ZNF423: variants seen among roughly 807,000 people sequenced by gnomAD.
ZNF423 encodes the protein zinc finger protein 423, also known as Ebf-associated zinc finger protein.
Under a neutral mutation model 95.8 loss-of-function variants are expected in ZNF423, and 12 were observed. The observed-to-expected ratio is 0.13, with a 90% CI of 0.08 to 0.20. The LOEUF (loss-of-function observed/expected upper bound fraction) is 0.20, where lower values mean the gene tolerates loss of function less well. ZNF423 is among the 10% of genes least tolerant of loss of function. The pLI, the probability that ZNF423 is intolerant of heterozygous loss-of-function variation, is 1.00. For synonymous variants in ZNF423, 749 were observed against 711.9 expected (o/e 1.05, Z -0.83); for missense variants, 1,316 against 1,737.1 (o/e 0.76, Z 4.31).
chr16:49,771,176 TTTC>T (rs909071469), intron 2 of ZNF423, among the ~76,000 whole-genome samples: 2 of 149,116 alleles, frequency 1.3e-5, no homozygotes, highest in Non-Finnish European at 3.0e-5. Context: ...TCATCTTGAA[TTTC>T]TTTTTTTTTT....
At chr16:49,687,187 G>T (rs1409096154) in intron 3 of ZNF423, among the ~76,000 whole-genome samples, 1 of 151,744 alleles carries the variant, frequency 6.6e-6, no homozygotes, top group South Asian at 2.1e-4. Flanking sequence ...GGCCTCCCAG[G>T]GCGCCACCAA....
intron 2 of ZNF423, among the ~76,000 whole-genome samples, chr16:49,768,171 G>C (rs1038153916): frequency 6.6e-6 from 1 of 152,214 alleles, no homozygotes; most frequent in African/African-American, 2.4e-5. Context: ...CTCTGCCGTG[G>C]ACAGTCTGCA....
chr16:49,844,017 G>A (rs1437821353), intron 1 of ZNF423, among the ~76,000 whole-genome samples: 1 of 152,000 alleles, frequency 6.6e-6, no homozygotes, highest in African/African-American at 2.4e-5. Context: ...ATTAAGTCCA[G>A]GCACAGAGGC....
chr16:49,563,802 G>A (rs1368109398), intron 5 of ZNF423, among the ~76,000 whole-genome samples: 2 of 152,198 alleles, frequency 1.3e-5, no homozygotes, highest in Non-Finnish European at 2.9e-5. Flanking sequence ...GGTATGGCCA[G>A]CTCAGGAATC....
intron 3 of ZNF423, among the ~76,000 whole-genome samples, chr16:49,725,816 C>T (rs1205158528): frequency 1.3e-5 from 2 of 152,230 alleles, no homozygotes; most frequent in African/African-American, 4.8e-5. Context: ...CACCAGACTG[C>T]CAGCCCCTGG....
At chr16:49,516,238 C>T (rs1014827694) in intron 7 of ZNF423, among the ~76,000 whole-genome samples, 16 of 152,194 alleles carry the variant, frequency 1.1e-4, no homozygotes, top group Admixed American at 2.0e-4. Flanking sequence ...CTCCTGTGCC[C>T]ACAGCCCTGA....
intron 2 of ZNF423, chr16:49,780,423 C>G (rs2143767535): frequency 6.6e-6 from 1 of 152,426 alleles, no homozygotes; most frequent in African/African-American, 2.4e-5. Context: ...GGAGCCTCCC[C>G]CTGCCAGGGG....
At chr16:49,605,445 C>T (rs1971507833) in intron 5 of ZNF423, among the ~76,000 whole-genome samples, 1 of 152,140 alleles carries the variant, frequency 6.6e-6, no homozygotes, top group Non-Finnish European at 1.5e-5. Flanking sequence ...GTGAAGCTTC[C>T]AGCTTTTTCT....
upstream of ZNF423, among the ~76,000 whole-genome samples, chr16:49,856,700 C>G (rs940937910): frequency 3.6e-4 from 53 of 148,982 alleles, no homozygotes; most frequent in Non-Finnish European, 6.1e-4. Flanking sequence ...CGCGGGGGCG[C>G]TCAGGCGGCG....
chr16:49,533,465 C>G (rs1017597649), intron 5 of ZNF423, among the ~76,000 whole-genome samples: 3 of 152,214 alleles, frequency 2.0e-5, no homozygotes, highest in Non-Finnish European at 2.9e-5. Context: ...TTTGCTCGCT[C>G]TCTCCTTCTC....
chr16:49,640,616 G>A (rs1291334915), intron 3 of ZNF423: 1 of 143,214 alleles, frequency 7.0e-6, no homozygotes, highest in Non-Finnish European at 1.5e-5. Context: ...AGCGCTGATT[G>A]TGTGAAGATC....
At chr16:49,612,384 G>A (rs529941579) in intron 5 of ZNF423, among the ~76,000 whole-genome samples, 1 of 142,870 alleles carries the variant, frequency 7.0e-6, no homozygotes, top group African/African-American at 2.6e-5. Context: ...TTAAGAAAAA[G>A]TGCATGGTCT....
chr16:49,626,126 C>T, intron 5 of ZNF423, 44 bp downstream of exon 5: 1 of 1,599,648 alleles, frequency 6.3e-7, no homozygotes, highest in East Asian at 2.2e-5. Context: ...ATTTAAAACC[C>T]CAAAGAGTAG....
Position 49,603,063 on chromosome 16 carries a change from T to C in ZNF423, c.3601+23107A>G, listed in dbSNP as rs922741593. On this transcript the variant is annotated intron_variant, in intron 5 of 7. Coordinates refer to ENST00000563137, the MANE Select transcript of ZNF423 (RefSeq NM_001379286.1). This position sits in a 1 kb window ranked among gnomAD's most constrained non-coding sequence, Gnocchi z 4.1. ...AGAAAGGGAGGATGGGAGGAGGAGGTTCCGAAACACTGGTGCGAGAAAAGG... is the reference window on the plus strand; with the variant it reads ...AGAAAGGGAGGATGGGAGGAGGAGGCTCCGAAACACTGGTGCGAGAAAAGG... Among the ~76,000 whole-genome samples, 2 of 151,916 alleles carry C rather than the reference T, an allele frequency of 1.3e-5. No individual in the cohort carries two copies. Among genetic ancestry groups the C allele is most frequent in the African/African-American group, 4.8e-5 (2 of 41,352 alleles).
chr16:49,592,346 T>G (rs569517329), intron 5 of ZNF423, among the ~76,000 whole-genome samples: 1 of 152,334 alleles, frequency 6.6e-6, no homozygotes, highest in Admixed American at 6.5e-5. Context: ...AAACACAGCT[T>G]TTTTAAAAAC....
intron 5 of ZNF423, among the ~76,000 whole-genome samples, chr16:49,526,093 A>T (rs1030477140): frequency 6.6e-6 from 1 of 152,102 alleles, no homozygotes; most frequent in Non-Finnish European, 1.5e-5. Flanking sequence ...GGTCCATGCC[A>T]TGCTGGACAG....
chr16:49,712,311 C>T (rs9936313), intron 3 of ZNF423, among the ~76,000 whole-genome samples: 6,903 of 152,080 alleles, frequency 0.045, 170 homozygotes, highest in Middle Eastern at 0.092. Flanking sequence ...CGGTGGGGCT[C>T]GCGTGCCTGA....
chr16:49,532,044 G>A (rs1968865999), intron 5 of ZNF423, among the ~76,000 whole-genome samples: 1 of 152,186 alleles, frequency 6.6e-6, no homozygotes, highest in Non-Finnish European at 1.5e-5. Context: ...GCTGGGTTTG[G>A]GAGCTGTCCC....
chr16:49,827,783 A>C (rs2035021279), intron 1 of ZNF423, among the ~76,000 whole-genome samples: 1 of 152,034 alleles, frequency 6.6e-6, no homozygotes, highest in South Asian at 2.1e-4. Context: ...CTCCGGAAAA[A>C]TTGTTATGTT....
Sources: allele counts gnomAD v4.1 joint callset (sites outside exome capture counted in the v4.1 genomes callset), GRCh38; gene constraint gnomAD v4.1.1; non-coding constraint Gnocchi (gnomAD v3.1); transcripts MANE v1.5; gene names NCBI Gene and HGNC (gene_info 2026-07-23, HGNC 2026-07-21).